NALF1: variants seen among roughly 807,000 people sequenced by gnomAD.
The protein encoded by NALF1 is family with sequence similarity 155 member A.
NALF1 carries 3 observed loss-of-function variants against 48.4 expected under a neutral mutation model. The ratio of observed to expected loss-of-function variants is 0.06; its 90% confidence interval spans 0.03 to 0.16. The LOEUF is 0.16. Ranked by LOEUF, NALF1 falls within the 10% of genes least tolerant of loss-of-function variation. NALF1 has a pLI of 1.00. For synonymous variants in NALF1, 262 were observed against 245.7 expected (o/e 1.07, Z -0.62); for missense variants, 526 against 571.5 (o/e 0.92, Z 0.81).
At chr13:107,552,972 A>G (rs1566390161) in intron 1 of NALF1, among the ~76,000 whole-genome samples, 1 of 152,178 alleles carries the variant, frequency 6.6e-6, no homozygotes, top group South Asian at 2.1e-4. Flanking sequence ...CTACGAAATC[A>G]GTAGTTAAAA....
At chr13:107,324,501 C>T (rs1882313959) in intron 1 of NALF1, among the ~76,000 whole-genome samples, 1 of 152,162 alleles carries the variant, frequency 6.6e-6, no homozygotes, top group Non-Finnish European at 1.5e-5. Flanking sequence ...GTATCTAGGG[C>T]ACTTGTGCAC....
chr13:107,560,186 G>T (rs1877605577), intron 1 of NALF1, among the ~76,000 whole-genome samples: 1 of 152,156 alleles, frequency 6.6e-6, no homozygotes, highest in Non-Finnish European at 1.5e-5. Context: ...GAATTCACAG[G>T]TTTCCAGGAA....
chr13:107,781,403 A>AT lies in NALF1; in HGVS notation c.915+84278dup, dbSNP rs1196762037. Among the ~76,000 whole-genome samples the AT allele has an allele frequency of 4.6e-5, 7 of 152,218 alleles. No individual in the cohort carries two copies. The Middle Eastern group carries it at 0.017, about 370-fold the overall frequency. Reference sequence around the variant, plus strand: ...GAAACAGCCTGAGTATAATTTACAGATTTTTTTAATCTGATCTACATTTTG... The same window carrying AT: ...GAAACAGCCTGAGTATAATTTACAGATTTTTTTTAATCTGATCTACATTTTG... On this transcript the variant is annotated intron_variant, in intron 1 of 2. Coordinates refer to ENST00000375915, the MANE Select transcript of NALF1 (RefSeq NM_001080396.3).
chr13:107,287,299 G>A (rs1881514949), intron 1 of NALF1, among the ~76,000 whole-genome samples: 1 of 152,144 alleles, frequency 6.6e-6, no homozygotes, highest in African/African-American at 2.4e-5. Flanking sequence ...CATATACAAT[G>A]CCACATAGTA....
chr13:107,757,487 T>C (rs1266165821), intron 1 of NALF1, among the ~76,000 whole-genome samples: 2 of 148,356 alleles, frequency 1.3e-5, no homozygotes, highest in African/African-American at 5.0e-5. Flanking sequence ...GCTAGAAATC[T>C]ATACAAATGC....
chr13:107,757,736 A>T (rs1177348974), intron 1 of NALF1, among the ~76,000 whole-genome samples: 1 of 152,128 alleles, frequency 6.6e-6, no homozygotes, highest in African/African-American at 2.4e-5. Flanking sequence ...ACCTTAAGAA[A>T]ACTCTTAAGA....
intron 1 of NALF1, among the ~76,000 whole-genome samples, chr13:107,665,970 T>G (rs1880847722): frequency 6.6e-6 from 1 of 152,094 alleles, no homozygotes; most frequent in Non-Finnish European, 1.5e-5. Flanking sequence ...AAACTTGATG[T>G]TCTTTAAAGA....
At chr13:107,272,986 T>A (rs1400668330) in intron 1 of NALF1, among the ~76,000 whole-genome samples, 2 of 152,186 alleles carry the variant, frequency 1.3e-5, no homozygotes, top group Non-Finnish European at 2.9e-5. Context: ...GTTCAGGACA[T>A]GCTACCCAAA....
chr13:107,290,016 C>T (rs1353179828), intron 1 of NALF1, among the ~76,000 whole-genome samples: 1 of 151,990 alleles, frequency 6.6e-6, no homozygotes, highest in Non-Finnish European at 1.5e-5. Flanking sequence ...GTTTCCACTT[C>T]GGGTTCTGAT....
intron 1 of NALF1, among the ~76,000 whole-genome samples, chr13:107,613,786 T>A (rs1307039658): frequency 2.0e-5 from 3 of 152,178 alleles, no homozygotes; most frequent in Admixed American, 2.0e-4. Flanking sequence ...TAGGTTTTCT[T>A]GGAAACAACA....
chr13:107,729,772 C>A (rs1382625644), intron 1 of NALF1, among the ~76,000 whole-genome samples: 2 of 152,194 alleles, frequency 1.3e-5, no homozygotes. Flanking sequence ...AGCCACTGCA[C>A]CCGACCCTTT....
intron 1 of NALF1, among the ~76,000 whole-genome samples, chr13:107,681,427 C>T (rs1566441967): frequency 6.6e-6 from 1 of 152,020 alleles, no homozygotes; most frequent in Non-Finnish European, 1.5e-5. Flanking sequence ...CACCCCCTGT[C>T]GCTCCCTAAT....
intron 2 of NALF1, among the ~76,000 whole-genome samples, chr13:107,198,084 G>C (rs1879430940): frequency 6.6e-6 from 1 of 152,070 alleles, no homozygotes; most frequent in Non-Finnish European, 1.5e-5. Context: ...AGTTTATCTG[G>C]CTAGTTTTGA....
chr13:107,663,199 T>C (rs1243402793), intron 1 of NALF1, among the ~76,000 whole-genome samples: 1 of 152,220 alleles, frequency 6.6e-6, no homozygotes, highest in Non-Finnish European at 1.5e-5. Flanking sequence ...TCTTGAAGAA[T>C]GTTCAACTGT....
chr13:107,319,813 C>T (rs1462846226), intron 1 of NALF1, among the ~76,000 whole-genome samples: 1 of 152,052 alleles, frequency 6.6e-6, no homozygotes, highest in Non-Finnish European at 1.5e-5. Flanking sequence ...TCTACCTCCC[C>T]TCAGACTCCC....
intron 1 of NALF1, among the ~76,000 whole-genome samples, chr13:107,424,459 T>C (rs1310816262): frequency 2.0e-5 from 3 of 152,132 alleles, no homozygotes; most frequent in African/African-American, 7.2e-5. Context: ...TTATAATCAA[T>C]GTAAACGTGA....
intron 1 of NALF1, among the ~76,000 whole-genome samples, chr13:107,562,412 T>A (rs1877674427): frequency 6.6e-6 from 1 of 152,358 alleles, no homozygotes; most frequent in Middle Eastern, 3.4e-3. Context: ...TAGGAGATTG[T>A]AAGCTCTGCA....
intron 1 of NALF1, among the ~76,000 whole-genome samples, chr13:107,682,723 T>G (rs1881336676): frequency 6.6e-6 from 1 of 152,072 alleles, no homozygotes; most frequent in Admixed American, 6.5e-5. Flanking sequence ...CCAGCCGACC[T>G]TTGCCTTGCC....
intron 1 of NALF1, among the ~76,000 whole-genome samples, chr13:107,691,688 A>G (rs2138504498): frequency 6.6e-6 from 1 of 152,334 alleles, no homozygotes; most frequent in African/African-American, 2.4e-5. Context: ...GGTTTTTGTG[A>G]TATATTACAC....
Sources: allele counts gnomAD v4.1 joint callset (sites outside exome capture counted in the v4.1 genomes callset), GRCh38; gene constraint gnomAD v4.1.1; transcripts MANE v1.5; gene names NCBI Gene and HGNC (gene_info 2026-07-23, HGNC 2026-07-21).